Variants in AGBL4 observed in about 807,000 individuals in gnomAD.
AGBL4 encodes AGBL carboxypeptidase 4.
A neutral mutation model predicts 66.4 loss-of-function variants in AGBL4; 58 were observed. That is an observed-to-expected ratio of 0.87 (90% CI 0.71 to 1.09). AGBL4 has a LOEUF of 1.09. Ranked by LOEUF, AGBL4 falls within the 50% of genes least tolerant of loss-of-function variation. The pLI is 0.00. For synonymous variants in AGBL4, 234 were observed against 222.9 expected, an observed-to-expected ratio of 1.05 and a Z score of -0.44; for missense variants, 579 against 631.0, an observed-to-expected ratio of 0.92 and a Z score of 0.88.
intron 9 of AGBL4, among the ~76,000 whole-genome samples, chr1:48,591,439 T>G (rs1008098354): frequency 1.3e-5 from 2 of 152,212 alleles, no homozygotes; most frequent in South Asian, 4.1e-4. Context: ...TTGCCCCAAC[T>G]TGGCCATTTC....
chr1:49,958,833 A>G (rs947908785), intron 1 of AGBL4, among the ~76,000 whole-genome samples: 3 of 151,870 alleles, frequency 2.0e-5, no homozygotes, highest in African/African-American at 4.8e-5. Context: ...CCTAGAACTT[A>G]AAGTATAATA....
chr1:48,914,085 G>A (rs531735245), intron 5 of AGBL4, among the ~76,000 whole-genome samples: 2 of 152,322 alleles, frequency 1.3e-5, no homozygotes, highest in East Asian at 3.9e-4. Context: ...GCAGAGAAAT[G>A]ATAATTGAAG....
intron 1 of AGBL4, among the ~76,000 whole-genome samples, chr1:49,936,172 G>A (rs1036603826): frequency 5.9e-5 from 9 of 152,160 alleles, no homozygotes; most frequent in Admixed American, 2.6e-4. Context: ...GCCGAGGCTC[G>A]AGAACTACGT....
At chr1:49,825,513 C>A (rs1213375771) in intron 2 of AGBL4, among the ~76,000 whole-genome samples, 1 of 152,164 alleles carries the variant, frequency 6.6e-6, no homozygotes, top group Non-Finnish European at 1.5e-5. Flanking sequence ...TTGTATGTGT[C>A]AATTTGGCTG....
At position 49,288,362 on chromosome 1, in the gene AGBL4, A is replaced by G. The variant is rs564299883; in HGVS notation, c.283-42498T>C. On this transcript the variant is annotated intron_variant, in intron 3 of 13. Transcript: ENST00000371839. ...ACATGTACCCTAAAATTTAAAGTAT[A>G]ATAAAAAAAAAAAAGAAAGAAAGTA... 4.6e-5 allele frequency among the ~76,000 whole-genome samples: 7 copies of G among 150,806 alleles called. No individual in the cohort carries two copies. In the South Asian group the frequency reaches 1.5e-3, roughly 31 times the overall value.
chr1:48,554,980 G>A (rs1027151145), intron 11 of AGBL4, among the ~76,000 whole-genome samples: 1 of 152,014 alleles, frequency 6.6e-6, no homozygotes, highest in South Asian at 2.1e-4. Context: ...TGTGCCAGAC[G>A]CTATGGGTTT....
At chr1:49,067,852 A>G (rs1016312812) in intron 4 of AGBL4, among the ~76,000 whole-genome samples, 1 of 152,060 alleles carries the variant, frequency 6.6e-6, no homozygotes, top group African/African-American at 2.4e-5. Flanking sequence ...CGTTTGCTGC[A>G]CCCATCAACT....
At chr1:48,871,352 G>GC (rs1558054588) in intron 5 of AGBL4, among the ~76,000 whole-genome samples, 1 of 43,294 alleles carries the variant, frequency 2.3e-5, no homozygotes, top group Non-Finnish European at 7.1e-5. Flanking sequence ...TGTAGTAGTG[G>GC]TTGTGTGTGT....
intron 5 of AGBL4, among the ~76,000 whole-genome samples, chr1:48,900,073 G>A (rs912622478): frequency 6.6e-5 from 10 of 152,158 alleles, no homozygotes; most frequent in Non-Finnish European, 1.5e-4. Context: ...GTGGGGTGGG[G>A]TTGGAGTGCT....
intron 5 of AGBL4, among the ~76,000 whole-genome samples, chr1:48,925,313 C>T (rs1654446593): frequency 6.6e-6 from 1 of 152,086 alleles, no homozygotes. Flanking sequence ...CATGCATATA[C>T]TCCTGTATAC....
intron 8 of AGBL4, among the ~76,000 whole-genome samples, chr1:48,644,335 C>G (rs747760006): frequency 6.6e-6 from 1 of 152,184 alleles, no homozygotes; most frequent in Non-Finnish European, 1.5e-5. Flanking sequence ...CTGACTTTCC[C>G]TATCCCAACC....
At chr1:49,944,257 T>C (rs953633242) in intron 1 of AGBL4, among the ~76,000 whole-genome samples, 2 of 151,944 alleles carry the variant, frequency 1.3e-5, no homozygotes, top group Non-Finnish European at 2.9e-5. Flanking sequence ...ATAGAAATAG[T>C]ACATTAAACA....
intron 2 of AGBL4, among the ~76,000 whole-genome samples, chr1:49,739,135 G>T (rs1250738050): frequency 6.6e-6 from 1 of 152,134 alleles, no homozygotes; most frequent in African/African-American, 2.4e-5. Flanking sequence ...CAAACCCATG[G>T]CAAAGAAGTT....
chr1:48,966,713 G>T (rs1436779527), intron 5 of AGBL4, among the ~76,000 whole-genome samples: 1 of 152,006 alleles, frequency 6.6e-6, no homozygotes, highest in African/African-American at 2.4e-5. Flanking sequence ...GGCAAAGCCT[G>T]TAAGAGACTT....
At chr1:48,856,836 A>G (rs1192130183) in intron 6 of AGBL4, among the ~76,000 whole-genome samples, 1 of 152,192 alleles carries the variant, frequency 6.6e-6, no homozygotes, top group Non-Finnish European at 1.5e-5. Context: ...CAGCCTCATT[A>G]GTGAAAAAAA....
intron 1 of AGBL4, among the ~76,000 whole-genome samples, chr1:49,948,400 T>C (rs1298484993): frequency 9.0e-6 from 1 of 110,942 alleles, no homozygotes; most frequent in Non-Finnish European, 1.7e-5. Context: ...AATATATAAA[T>C]ATATATAAAT....
intron 6 of AGBL4, among the ~76,000 whole-genome samples, chr1:48,795,644 TA>T (rs1346798793): frequency 6.6e-6 from 1 of 152,198 alleles, no homozygotes; most frequent in Non-Finnish European, 1.5e-5. Flanking sequence ...TATGTATATG[TA>T]TTTAGTTCTA....
intron 3 of AGBL4, among the ~76,000 whole-genome samples, chr1:49,500,076 A>G (rs889714768): frequency 2.0e-5 from 3 of 151,860 alleles, no homozygotes; most frequent in Non-Finnish European, 4.4e-5. Flanking sequence ...TGTTTGCAGG[A>G]GTAACTTGGT....
At chr1:49,830,349 AT>A (rs1645634030) in intron 2 of AGBL4, among the ~76,000 whole-genome samples, 1 of 152,126 alleles carries the variant, frequency 6.6e-6, no homozygotes, top group South Asian at 2.1e-4. Context: ...TTTGATTTGC[AT>A]TTCTCTAATG....
Sources: allele counts gnomAD v4.1 joint callset (sites outside exome capture counted in the v4.1 genomes callset), GRCh38; gene constraint gnomAD v4.1.1; transcripts MANE v1.5; gene names NCBI Gene and HGNC (gene_info 2026-07-23, HGNC 2026-07-21).